The following ARHGAP19 variants were observed in gnomAD, a reference collection of about 807,000 sequenced individuals.
The protein encoded by ARHGAP19 is Rho GTPase activating protein 19.
ARHGAP19 carries 48 observed loss-of-function variants against 60.9 expected under a neutral mutation model. That is an observed-to-expected ratio of 0.79 (90% CI 0.62 to 1.00). The LOEUF (loss-of-function observed/expected upper bound fraction) is 1.00. ARHGAP19 is among the 50% of genes least tolerant of loss of function. The pLI, the probability that ARHGAP19 is intolerant of heterozygous loss-of-function variation, is 0.00. For missense variants in ARHGAP19, 562 were observed against 597.2 expected, an observed-to-expected ratio of 0.94 and a Z score of 0.61; for synonymous variants, 209 against 215.5, an observed-to-expected ratio of 0.97 and a Z score of 0.27.
intron 8 of ARHGAP19, among the ~76,000 whole-genome samples, chr10:97,239,456 T>C (rs34787876): frequency 0.31 from 45,782 of 150,058 alleles, 7,088 homozygotes; most frequent in African/African-American, 0.32. Context: ...AGATCGGAGA[T>C]CGTGCCACTG....
intron 1 of ARHGAP19, among the ~76,000 whole-genome samples, chr10:97,270,390 T>G (rs1466420394): frequency 1.3e-5 from 2 of 152,174 alleles, no homozygotes; most frequent in African/African-American, 4.8e-5. Flanking sequence ...TTTCTTAAAG[T>G]TATTCCCATA....
At chr10:97,251,369 AG>A (rs1327915551) in intron 6 of ARHGAP19, among the ~76,000 whole-genome samples, 1 of 7,830 alleles carries the variant, frequency 1.3e-4, no homozygotes, top group Non-Finnish European at 2.4e-4. Context: ...GGGGAAAGGA[AG>A]GGGAATGGAA....
intron 1 of ARHGAP19, among the ~76,000 whole-genome samples, chr10:97,289,553 A>T (rs1335631454): frequency 6.6e-6 from 1 of 152,154 alleles, no homozygotes; most frequent in Non-Finnish European, 1.5e-5. Flanking sequence ...AAAGAAATTC[A>T]GGCCAGGCGC....
intron 4 of ARHGAP19, among the ~76,000 whole-genome samples, chr10:97,262,857 T>G (rs793522): frequency 0.24 from 35,821 of 152,206 alleles, 4,624 homozygotes; most frequent in Non-Finnish European, 0.3. Flanking sequence ...GGCTCATGCC[T>G]ATAATCCCAG....
In ARHGAP19 at chr10:97,235,384, A is replaced by G. The variant is rs1851111734; in HGVS notation, c.1186-69T>C. 3.0e-6 allele frequency: 4 copies of G among 1,348,432 alleles called. No individual in the cohort carries two copies. The Admixed American group carries it at 7.1e-5, about 24-fold the overall frequency. 83.5% of individuals were successfully genotyped at this position (1,348,432 alleles called of 1,614,324 possible). On this transcript the variant is annotated intron_variant, in intron 8 of 11. Transcript: ENST00000358531. ...AAGACACGGCATTCTGTGACAACTA[A>G]TAGCTAAGTGTAAATAAAAGTCCAG...
chr10:97,255,735 C>T (rs1842744665), intron 6 of ARHGAP19, among the ~76,000 whole-genome samples: 1 of 152,052 alleles, frequency 6.6e-6, no homozygotes, highest in African/African-American at 2.4e-5. Flanking sequence ...AGAGTAAGAG[C>T]GTACCTCACA....
At chr10:97,259,371 A>G (rs559248698) in intron 5 of ARHGAP19, 31 bp downstream of exon 5, 5 of 1,564,488 alleles carry the variant, frequency 3.2e-6, no homozygotes, top group Non-Finnish European at 4.4e-6. Flanking sequence ...AAGAAAACCA[A>G]GCAATCTTTA....
chr10:97,235,056 T>C (rs1428951583), intron 9 of ARHGAP19, among the ~76,000 whole-genome samples, 161 bp downstream of exon 9: 7 of 152,202 alleles, frequency 4.6e-5, no homozygotes, highest in Non-Finnish European at 8.8e-5. Flanking sequence ...GCAAAGCACT[T>C]TGCAATATAA....
chr10:97,288,006 G>A (rs1305586821), intron 1 of ARHGAP19, among the ~76,000 whole-genome samples: 2 of 152,154 alleles, frequency 1.3e-5, no homozygotes, highest in Non-Finnish European at 2.9e-5. Flanking sequence ...AGGTTGCGGT[G>A]AGCCAAGATC....
chr10:97,278,952 T>G (rs1843051281), intron 1 of ARHGAP19, among the ~76,000 whole-genome samples: 1 of 152,178 alleles, frequency 6.6e-6, no homozygotes, highest in South Asian at 2.1e-4. Flanking sequence ...TTGGCAAGAT[T>G]TATCAAAATA....
At chr10:97,258,490 C>T (rs957414549) in intron 5 of ARHGAP19, among the ~76,000 whole-genome samples, 1 of 151,988 alleles carries the variant, frequency 6.6e-6, no homozygotes, top group African/African-American at 2.4e-5. Flanking sequence ...GCTGAGATTG[C>T]ACCACTGCTC....
intron 6 of ARHGAP19, among the ~76,000 whole-genome samples, chr10:97,252,446 C>A (rs529186100): frequency 6.6e-6 from 1 of 150,900 alleles, no homozygotes. Context: ...CATGGTGAAA[C>A]CCCGTCTCTA....
rs569939645 is a variant in ARHGAP19 at position 97,246,936 on chromosome 10, G to A, written c.928-599C>T. On this transcript the variant is annotated intron_variant, in intron 6 of 11. Transcript: ENST00000358531. Reference sequence around the variant, plus strand: ...GTGGATCACCTGAAGTCAGGAGTTCGAGACCAGCCTGACCAACATGGTGAA... The same window carrying A: ...GTGGATCACCTGAAGTCAGGAGTTCAAGACCAGCCTGACCAACATGGTGAA... Among the ~76,000 whole-genome samples the A allele has an allele frequency of 7.9e-5, 12 of 152,166 alleles. No homozygotes were observed. In the South Asian group the frequency reaches 8.3e-4, roughly 11 times the overall value.
intron 8 of ARHGAP19, among the ~76,000 whole-genome samples, chr10:97,237,647 G>A (rs368854543): frequency 1.3e-5 from 2 of 152,124 alleles, no homozygotes; most frequent in Admixed American, 1.3e-4. Flanking sequence ...AAGACAGGTG[G>A]GTCACTTGAG....
At chr10:97,267,841 C>T (rs1224845482) in intron 1 of ARHGAP19, among the ~76,000 whole-genome samples, 2 of 152,258 alleles carry the variant, frequency 1.3e-5, no homozygotes, top group African/African-American at 2.4e-5. Flanking sequence ...CAGCAAGGCC[C>T]TGGGCCCAGC....
chr10:97,253,176 G>C (rs1842710580), intron 6 of ARHGAP19, among the ~76,000 whole-genome samples: 1 of 152,018 alleles, frequency 6.6e-6, no homozygotes, highest in Non-Finnish European at 1.5e-5. Context: ...TCAGGAGTTA[G>C]AGACCACCCT....
At position 97,292,211 on chromosome 10, in the gene ARHGAP19, T is replaced by C. The variant is rs561243820; in HGVS notation, c.56+361A>G. 3.3e-5 allele frequency among the ~76,000 whole-genome samples: 5 copies of C among 152,302 alleles called. No homozygotes were observed. The South Asian group carries it at 6.2e-4, about 19-fold the overall frequency. ...AACGCACAAAGTGCCTCGGAGAAGATGTGAAGCGCTGTGTGCAACAGTGAG... is the reference window on the plus strand; with the variant it reads ...AACGCACAAAGTGCCTCGGAGAAGACGTGAAGCGCTGTGTGCAACAGTGAG... On this transcript the variant is annotated intron_variant, in intron 1 of 11. Coordinates refer to ENST00000358531, the MANE Select transcript of ARHGAP19 (RefSeq NM_032900.6).
At chr10:97,275,027 A>G (rs1255964164) in intron 1 of ARHGAP19, 1 of 152,424 alleles carries the variant, frequency 6.6e-6, no homozygotes, top group Non-Finnish European at 1.5e-5. Flanking sequence ...GATAACCCCA[A>G]TGCCAGTGAC....
chr10:97,265,795 G>A, intron 2 of ARHGAP19, 65 bp downstream of exon 2: 1 of 1,561,580 alleles, frequency 6.4e-7, no homozygotes, highest in Admixed American at 2.0e-5. Flanking sequence ...TGAATGTGTA[G>A]ATGTTGAGAG....
Sources: allele counts gnomAD v4.1 joint callset (sites outside exome capture counted in the v4.1 genomes callset), GRCh38; gene constraint gnomAD v4.1.1; transcripts MANE v1.5; gene names NCBI Gene and HGNC (gene_info 2026-07-23, HGNC 2026-07-21).